The following COMMD7 variants were observed in gnomAD, a reference collection of about 807,000 sequenced individuals.
The protein encoded by COMMD7 is COMM domain-containing protein 7.
A neutral mutation model predicts 34.8 loss-of-function variants in COMMD7; 28 were observed. That is an observed-to-expected ratio of 0.80 (90% CI 0.60 to 1.10). The LOEUF (loss-of-function observed/expected upper bound fraction) is 1.10. COMMD7 is among the 50% of genes least tolerant of loss of function. The pLI is 0.00. For synonymous variants in COMMD7, 80 were observed against 86.4 expected (o/e 0.93, Z 0.41); for missense variants, 211 against 241.6 (o/e 0.87, Z 0.84).
At position 32,704,859 on chromosome 20, in the gene COMMD7, T is replaced by A; in HGVS notation, c.382A>T (p.Thr128Ser). Residue 128 changes from threonine to serine, a missense_variant, in exon 6 of 9, where the codon ACT becomes TCT. Transcript: ENST00000278980. ...TCTATGAGCTGGTTAATCATCAGAG[T>A]CTGACCTATGGCCCATCGAGCAAGG... ...PTLARWAIGQ[T>S]LMINQLIDME... The A allele has an allele frequency of 6.2e-7, 1 of 1,613,950 alleles. No homozygotes were observed. The highest frequency in any genetic ancestry group is 8.5e-7 in the Non-Finnish European group (1 of 1,179,964).
chr20:32,714,241 C>G (rs1340655680), intron 3 of COMMD7, among the ~76,000 whole-genome samples: 1 of 152,146 alleles, frequency 6.6e-6, no homozygotes, highest in Admixed American at 6.6e-5. Flanking sequence ...CCACTTATGA[C>G]TACATTTCAT....
At chr20:32,734,924 AAAAAT>A (rs202020823) in intron 1 of COMMD7, among the ~76,000 whole-genome samples, 2,581 of 151,584 alleles carry the variant, frequency 0.017, 80 homozygotes, top group African/African-American at 0.058. Flanking sequence ...ACTCCATCTC[AAAAAT>A]AAAATAAAAT....
At chr20:32,733,716 CA>C (rs35352458) in intron 1 of COMMD7, among the ~76,000 whole-genome samples, 73,079 of 109,452 alleles carry the variant, frequency 0.67, 23,240 homozygotes, top group Middle Eastern at 0.82. Context: ...GACTCCATCT[CA>C]AAAAAAAAAA....
intron 1 of COMMD7, among the ~76,000 whole-genome samples, chr20:32,731,544 A>G (rs954266475): frequency 2.6e-5 from 4 of 151,972 alleles, no homozygotes; most frequent in African/African-American, 9.7e-5. Context: ...TTATCCTCCA[A>G]AGCCCTGCCA....
In COMMD7 at chr20:32,739,644, C is replaced by CCAAAAAAAA. The variant is rs1424596331; in HGVS notation, c.84+3663_84+3664insTTTTTTTTG. Among the ~76,000 whole-genome samples, 2 of 56,018 alleles carry CCAAAAAAAA rather than the reference C, an allele frequency of 3.6e-5. 1 individual carries two copies. The highest frequency in any genetic ancestry group is 6.6e-5 in the Non-Finnish European group (2 of 30,284). 36.7% of individuals were successfully genotyped at this position (56,018 alleles called of 152,430 possible). ...TCGGTGACAGAGCAAGGCTCTGTAT[C>CCAAAAAAAA]AAAAAAAAAAAAAAAAAAAATACAT... is the stretch of plus-strand genomic sequence containing the variant. On this transcript the variant is annotated intron_variant, in intron 1 of 8. Transcript: ENST00000278980.
At chr20:32,741,167 AC>A (rs1227405443) in intron 1 of COMMD7, among the ~76,000 whole-genome samples, 1 of 149,052 alleles carries the variant, frequency 6.7e-6, no homozygotes, top group Non-Finnish European at 1.5e-5. Flanking sequence ...ACAAAAAAAA[AC>A]TGACAGTAGG....
In COMMD7 at chr20:32,723,130, C is replaced by CTCTCCG. The variant is rs1197787953; in HGVS notation, c.241+4757_241+4762dup. ...TCCCTCTCCCTCTCCCTCTCCCTCC[C>CTCTCCG]TCTCCGTCTCCGTCTCCGTCTCCGT... On this transcript the variant is annotated intron_variant, in intron 3 of 8. Coordinates refer to ENST00000278980, the MANE Select transcript of COMMD7 (RefSeq NM_053041.3). Among the ~76,000 whole-genome samples, 15 of 51,274 alleles carry CTCTCCG rather than the reference C, an allele frequency of 2.9e-4. 2 individuals are homozygous for CTCTCCG. The highest frequency in any genetic ancestry group is 9.9e-4 in the East Asian group (3 of 3,018). 33.6% of individuals were successfully genotyped at this position (51,274 alleles called of 152,430 possible).
intron 3 of COMMD7, among the ~76,000 whole-genome samples, chr20:32,714,906 G>A (rs1984684765): frequency 6.6e-6 from 1 of 150,808 alleles, no homozygotes; most frequent in Non-Finnish European, 1.5e-5. Context: ...TACTCAGGAG[G>A]TTGAGAGGCA....
intron 1 of COMMD7, among the ~76,000 whole-genome samples, chr20:32,730,848 ACC>A (rs1985796538): frequency 1.3e-5 from 2 of 152,144 alleles, no homozygotes; most frequent in Admixed American, 1.3e-4. Flanking sequence ...GAGTCACTAT[ACC>A]ATTTGATCCA....
chr20:32,722,884 T>G (rs1342954054), intron 3 of COMMD7, among the ~76,000 whole-genome samples: 4 of 151,106 alleles, frequency 2.6e-5, no homozygotes, highest in Admixed American at 6.6e-5. Context: ...TAGCCGGGCG[T>G]GGTGGTGGGC....
In COMMD7 at chr20:32,734,709, C is replaced by A. The variant is rs773883602; in HGVS notation, c.85-6567G>T. 5.3e-5 allele frequency among the ~76,000 whole-genome samples: 8 copies of A among 152,182 alleles called. 1 individual carries two copies. Among genetic ancestry groups the A allele is most frequent in the African/African-American group, 1.7e-4 (7 of 41,552 alleles). On this transcript the variant is annotated intron_variant, in intron 1 of 8. Coordinates refer to ENST00000278980, the MANE Select transcript of COMMD7 (RefSeq NM_053041.3). ...TCGGGAGGCCGAGGATGGCAGATCA[C>A]CTAAGGTCAGGAGTTCAAGACCATC...
chr20:32,731,260 G>A (rs1316462443), intron 1 of COMMD7, among the ~76,000 whole-genome samples: 1 of 152,156 alleles, frequency 6.6e-6, no homozygotes, highest in East Asian at 1.9e-4. Context: ...CCAAGCTGCA[G>A]TGAGTCATGA....
Position 32,743,467 on chromosome 20 carries a change from C to G in COMMD7, c.-76G>C, listed in dbSNP as rs1986558952. The G allele has an allele frequency of 2.8e-6, 3 of 1,077,240 alleles. No homozygotes were observed. Among genetic ancestry groups the G allele is most frequent in the Non-Finnish European group, 3.6e-6 (3 of 832,672 alleles). The allele number at this position is 1,077,240 out of a possible 1,614,324, so 66.7% of individuals were successfully genotyped here. ...CTTCCTCCTCCGCTGCCGCTGCCAC[C>G]GCTGCCGGCCTCTCCGCGCATCCAC... On this transcript the variant is annotated 5_prime_UTR_variant, in exon 1 of 9. Coordinates refer to ENST00000278980, the MANE Select transcript of COMMD7 (RefSeq NM_053041.3).
chr20:32,704,197 C>T, intron 7 of COMMD7, 126 bp from the exon 8 acceptor site: 5 of 858,416 alleles, frequency 5.8e-6, no homozygotes, highest in Non-Finnish European at 8.9e-6. Flanking sequence ...GGATCATCCA[C>T]CACCGAAAAT....
chr20:32,717,949 C>T (rs1022741722), intron 3 of COMMD7, among the ~76,000 whole-genome samples: 2 of 151,320 alleles, frequency 1.3e-5, no homozygotes, highest in Non-Finnish European at 2.9e-5. Context: ...AAGAGCCTGG[C>T]GTGGTAGTGT....
At chr20:32,734,773 C>G (rs1986048742) in intron 1 of COMMD7, among the ~76,000 whole-genome samples, 1 of 151,162 alleles carries the variant, frequency 6.6e-6, no homozygotes, top group African/African-American at 2.4e-5. Context: ...ACTAAAAATA[C>G]AAAAATTAGC....
At chr20:32,727,430 G>A (rs765541423) in intron 3 of COMMD7, among the ~76,000 whole-genome samples, 9 of 151,254 alleles carry the variant, frequency 6.0e-5, no homozygotes, top group South Asian at 2.1e-4. Context: ...CCAGCTACTC[G>A]GGAAGCTGAG....
chr20:32,741,282 A>G (rs1465811195), intron 1 of COMMD7, among the ~76,000 whole-genome samples: 1 of 151,936 alleles, frequency 6.6e-6, no homozygotes, highest in Non-Finnish European at 1.5e-5. Context: ...CACAGGTGGA[A>G]TCACCATGCA....
chr20:32,742,451 T>TG (rs1247799287), intron 1 of COMMD7: 2 of 151,904 alleles, frequency 1.3e-5, no homozygotes, highest in Admixed American at 6.6e-5. Flanking sequence ...ATCTTCCCAG[T>TG]GGGGGTGAGA....
Sources: gnomAD v4.1 joint callset for allele counts (sites outside exome capture counted in the v4.1 genomes callset) on GRCh38, gnomAD v4.1.1 for gene constraint, MANE v1.5 for transcripts, NCBI Gene and HGNC (gene_info 2026-07-23, HGNC 2026-07-21) for gene names.